NOL9: variants seen among roughly 807,000 people sequenced by gnomAD.
The protein encoded by NOL9 is nucleolar protein 9.
Under a neutral mutation model 67.9 loss-of-function variants are expected in NOL9, and 28 were observed. The observed-to-expected ratio is 0.41, with a 90% CI of 0.31 to 0.57. NOL9 has a LOEUF of 0.57. Among genes scored for constraint, NOL9 ranks in the 20% least tolerant of loss-of-function variants. The pLI is 0.25. For missense variants in NOL9, 777 were observed against 897.0 expected (o/e 0.87, Z 1.71); for synonymous variants, 356 against 352.2 (o/e 1.01, Z -0.12).
At chr1:6,553,678 A>G (rs1639594417) in intron 1 of NOL9, among the ~76,000 whole-genome samples, 1 of 151,918 alleles carries the variant, frequency 6.6e-6, no homozygotes, top group Admixed American at 6.6e-5. Flanking sequence ...CGTTTCTACT[A>G]AAAATACAAA....
intron 1 of NOL9, among the ~76,000 whole-genome samples, chr1:6,551,141 T>C (rs1455985824): frequency 6.6e-5 from 10 of 151,994 alleles, no homozygotes; most frequent in African/African-American, 2.2e-4. Flanking sequence ...GTGAGACTTC[T>C]CCTTACAAAA....
intron 3 of NOL9, 23 bp downstream of exon 3, chr1:6,549,548 C>A: frequency 6.2e-7 from 1 of 1,610,804 alleles, no homozygotes; most frequent in Non-Finnish European, 8.5e-7. Flanking sequence ...ATTAGCAAAA[C>A]TCTGAATGAA....
chr1:6,552,432 C>A (rs897119011), intron 1 of NOL9, among the ~76,000 whole-genome samples: 2 of 152,056 alleles, frequency 1.3e-5, no homozygotes, highest in Non-Finnish European at 2.9e-5. Flanking sequence ...TGGCTGCAGC[C>A]TTTTAAATTT....
chr1:6,538,939 C>A (rs1394002995), intron 6 of NOL9, among the ~76,000 whole-genome samples: 1 of 152,090 alleles, frequency 6.6e-6, no homozygotes, highest in Non-Finnish European at 1.5e-5. Context: ...GCCACTGCAC[C>A]TCAGCCTGGG....
intron 6 of NOL9, among the ~76,000 whole-genome samples, chr1:6,537,345 A>G (rs1639177324): frequency 6.6e-6 from 1 of 152,150 alleles, no homozygotes. Flanking sequence ...TTTGGATATG[A>G]CCCCGAAAAC....
intron 5 of NOL9, 54 bp from the exon 6 acceptor site, chr1:6,541,981 G>C: frequency 8.7e-7 from 1 of 1,149,398 alleles, no homozygotes; most frequent in Non-Finnish European, 1.3e-6. Flanking sequence ...GCTTTACTCA[G>C]TAGAAAGGAT....
At position 6,532,613 on chromosome 1, in the gene NOL9, G is replaced by A. The variant is rs1445376918; in HGVS notation, c.1385C>T (p.Thr462Ile). The A allele has an allele frequency of 1.9e-6, 3 of 1,614,142 alleles. No homozygotes were observed. The South Asian group carries it at 3.3e-5, about 18-fold the overall frequency. Residue 462 changes from threonine to isoleucine, a missense_variant, in exon 8 of 12, where the codon ACC becomes ATC. Transcript: ENST00000377705. ...TCTGAAACGTCGATTTCTCATCTTG[G>A]TCTTGCTTTTTGTGTACAAGCCATC... ...DMDGLYTKSKTKMRNRRFRLA... is the reference protein window; with the variant it reads ...DMDGLYTKSKIKMRNRRFRLA...
At chr1:6,544,058 G>A (rs1014486152) in intron 5 of NOL9, among the ~76,000 whole-genome samples, 7 of 152,098 alleles carry the variant, frequency 4.6e-5, no homozygotes, top group African/African-American at 9.7e-5. Context: ...CCTGGGAGGC[G>A]GAGGTTGCAG....
rs1204973497 is a variant in NOL9, at chr1:6,525,581, C to G, written c.*273G>C. The G allele has an allele frequency of 2.6e-6, 1 of 389,964 alleles. No homozygotes were observed. The highest frequency in any genetic ancestry group is 4.3e-5 in the East Asian group (1 of 23,062). 24.2% of individuals were successfully genotyped at this position (389,964 alleles called of 1,614,324 possible). ...CCCTGAAGAACTTTCTGAGGAATCT[C>G]TGTTTTAATGGCACACAAACTGTTC... On this transcript the variant is annotated 3_prime_UTR_variant, in exon 12 of 12. Transcript: ENST00000377705.
chr1:6,538,668 AAAAC>A (rs756011936), intron 6 of NOL9, among the ~76,000 whole-genome samples: 3 of 151,786 alleles, frequency 2.0e-5, no homozygotes, highest in Non-Finnish European at 4.4e-5. Context: ...CTCAAAAAGG[AAAAC>A]AAACAGACAA....
Position 6,549,587 on chromosome 1 carries a change from T to C in NOL9, c.728A>G (p.Tyr243Cys). The change falls in exon 3 of 12, where the codon TAC becomes TGC. Residue 243 changes from tyrosine to cysteine, a missense_variant. Tyr to Cys is a radical substitution (Grantham distance 194). Around this residue, in one of 2 missense-constraint regions of NOL9, gnomAD observed 364 missense variants for 344.4 expected, o/e 1.06. Coordinates refer to ENST00000377705, the MANE Select transcript of NOL9 (RefSeq NM_024654.5). ...NFITSYPGSS[Y>C]IFVQESPTPQ... Reference sequence around the variant, plus strand: ...GGGTTCTACCTCTTGCACAAAAATGTAGGATGAACCCGGATAGCTGGTTAT... The same window carrying C: ...GGGTTCTACCTCTTGCACAAAAATGCAGGATGAACCCGGATAGCTGGTTAT... The C allele has an allele frequency of 6.2e-7, 1 of 1,614,092 alleles. No individual in the cohort carries two copies. Among genetic ancestry groups the C allele is most frequent in the Middle Eastern group, 1.6e-4 (1 of 6,062 alleles).
At chr1:6,527,508 A>G (rs1638914641) in intron 10 of NOL9, among the ~76,000 whole-genome samples, 1 of 149,436 alleles carries the variant, frequency 6.7e-6, no homozygotes, top group Non-Finnish European at 1.5e-5. Context: ...TCAGCTGGGC[A>G]TGGTGGCGCG....
At chr1:6,545,220 T>C (rs770652753) in intron 3 of NOL9, 40 bp from the exon 4 acceptor site, 15 of 1,579,494 alleles carry the variant, frequency 9.5e-6, no homozygotes, top group African/African-American at 2.7e-5. Context: ...AAAAAATGCA[T>C]ATTTTTTTCT....
intron 1 of NOL9, 85 bp downstream of exon 1, chr1:6,554,022 G>A (rs1639607732): frequency 7.8e-6 from 9 of 1,159,246 alleles, no homozygotes; most frequent in Non-Finnish European, 9.4e-6. Flanking sequence ...GGGGACCACG[G>A]TCCTCTCCTA....
intron 1 of NOL9, among the ~76,000 whole-genome samples, chr1:6,551,783 G>C (rs553094983): frequency 1.4e-4 from 21 of 152,226 alleles, no homozygotes; most frequent in African/African-American, 5.1e-4. Flanking sequence ...TGTAATCCCA[G>C]CACTTTGGGA....
chr1:6,531,954 T>C lies in NOL9; in HGVS notation c.1647+14A>G, dbSNP rs774709719. The C allele has an allele frequency of 1.3e-6, 2 of 1,599,422 alleles. No homozygotes were observed. The highest frequency in any genetic ancestry group is 2.7e-5 in the African/African-American group (2 of 74,594). On this transcript the variant is annotated intron_variant, in intron 9 of 11. Transcript: ENST00000377705. ...AACAAAATGAAGACAATTTCTCCTG[T>C]AAGTTCAGATTACCTGATAGGGTGT...
At chr1:6,553,569 C>T (rs1639591195) in intron 1 of NOL9, among the ~76,000 whole-genome samples, 3 of 151,096 alleles carry the variant, frequency 2.0e-5, no homozygotes, top group Admixed American at 6.6e-5. Context: ...GTTCCAGGTG[C>T]GGTGGTTCAC....
rs533359225 is a variant in NOL9 at position 6,529,557 on chromosome 1, C to T, written c.1648-386G>A. Among the ~76,000 whole-genome samples the T allele has an allele frequency of 2.1e-4, 32 of 151,702 alleles. No homozygotes were observed. In the East Asian group the frequency reaches 6.2e-3, roughly 29 times the overall value. ...GAGCAGAGATCCTGCCACCGCACTC[C>T]AGCCTGGGTGATAGAGCAAGACTCG... On this transcript the variant is annotated intron_variant, in intron 9 of 11. Coordinates refer to ENST00000377705, the MANE Select transcript of NOL9 (RefSeq NM_024654.5).
intron 9 of NOL9, among the ~76,000 whole-genome samples, chr1:6,529,724 G>C (rs894954708): frequency 3.3e-5 from 5 of 152,086 alleles, no homozygotes; most frequent in African/African-American, 7.2e-5. Flanking sequence ...TCAGGAATTT[G>C]AGACCAGCCT....
Sources: gnomAD v4.1 joint callset for allele counts (sites outside exome capture counted in the v4.1 genomes callset) on GRCh38, gnomAD v4.1.1 for gene constraint, gnomAD v4.1.1 regional missense constraint, MANE v1.5 for transcripts, NCBI Gene and HGNC (gene_info 2026-07-23, HGNC 2026-07-21) for gene names.